The following RASSF8 variants were observed in gnomAD, a reference collection of about 807,000 sequenced individuals.
The protein encoded by RASSF8 is Ras association domain family member 8.
In RASSF8, 22 loss-of-function variants were observed where a neutral mutation model predicts 48.5. The ratio of observed to expected loss-of-function variants is 0.45; its 90% CI spans 0.32 to 0.65. The LOEUF (loss-of-function observed/expected upper bound fraction) is 0.65. Ranked by LOEUF, RASSF8 falls within the 30% of genes least tolerant of loss-of-function variation. RASSF8 has a pLI of 0.03. For missense variants in RASSF8, 418 were observed against 489.2 expected, an observed-to-expected ratio of 0.85 and a Z score of 1.37; for synonymous variants, 127 against 171.5, an observed-to-expected ratio of 0.74 and a Z score of 2.03.
intron 1 of RASSF8, among the ~76,000 whole-genome samples, chr12:25,985,578 G>T (rs1167974066): frequency 6.6e-6 from 1 of 152,238 alleles, no homozygotes; most frequent in Non-Finnish European, 1.5e-5. Flanking sequence ...TGAGGTAAAT[G>T]AGTAAATCGG....
intron 2 of RASSF8, among the ~76,000 whole-genome samples, chr12:26,050,024 C>G (rs1165564066): frequency 6.6e-6 from 1 of 152,210 alleles, no homozygotes; most frequent in South Asian, 2.1e-4. Flanking sequence ...ACCTCGTGAT[C>G]TGCCCGCCTC....
At chr12:26,029,315 C>T (rs1942981074) in intron 2 of RASSF8, among the ~76,000 whole-genome samples, 1 of 152,108 alleles carries the variant, frequency 6.6e-6, no homozygotes, top group Admixed American at 6.6e-5. Context: ...CATTGACAAC[C>T]CATGTTATTT....
chr12:25,984,749 A>G (rs1941832168), intron 1 of RASSF8, among the ~76,000 whole-genome samples: 1 of 152,216 alleles, frequency 6.6e-6, no homozygotes, highest in South Asian at 2.1e-4. Flanking sequence ...AAGGAGCTTC[A>G]AGGTAACTTT....
chr12:26,037,910 A>G (rs980146235), intron 2 of RASSF8, among the ~76,000 whole-genome samples: 1 of 152,212 alleles, frequency 6.6e-6, no homozygotes. Flanking sequence ...GTGTGAAACA[A>G]TTTAAAGGTG....
At chr12:25,976,219 G>C (rs1397938349) in intron 1 of RASSF8, among the ~76,000 whole-genome samples, 2 of 152,268 alleles carry the variant, frequency 1.3e-5, no homozygotes, top group East Asian at 3.9e-4. Context: ...AAGGAAAACT[G>C]TAACCCTCCG....
At chr12:26,079,283 CA>C (rs1442120994) in exon 6 of RASSF8, 1 of 414,368 alleles carries the variant, frequency 2.4e-6, no homozygotes, top group Non-Finnish European at 4.3e-6. Context: ...ACAAATAATC[CA>C]ATTAAAAATG....
At chr12:26,067,444 A>C in intron 4 of RASSF8, 125 bp from the exon 5 acceptor site, 11 of 1,060,836 alleles carry the variant, frequency 1.0e-5, no homozygotes, top group Non-Finnish European at 1.4e-5. Context: ...CAGATTTGTT[A>C]AATGTGCTTT....
chr12:25,962,398 C>T (rs950041920), intron 1 of RASSF8, among the ~76,000 whole-genome samples: 2 of 152,216 alleles, frequency 1.3e-5, no homozygotes, highest in Non-Finnish European at 2.9e-5. Context: ...TTTTCTCCCT[C>T]ATAGCGTAAT....
At chr12:26,018,066 A>T (rs1055232236) in intron 2 of RASSF8, among the ~76,000 whole-genome samples, 3 of 152,210 alleles carry the variant, frequency 2.0e-5, no homozygotes, top group Admixed American at 1.3e-4. Context: ...CTGATTTATT[A>T]ACTTTTGTTA....
chr12:26,005,228 ATTTG>A (rs1372674032), intron 2 of RASSF8, among the ~76,000 whole-genome samples: 14 of 151,362 alleles, frequency 9.2e-5, no homozygotes, highest in Admixed American at 9.2e-4. Context: ...TTACAGATTG[ATTTG>A]TTTAATTGCC....
At chr12:25,968,574 C>G (rs950584361) in intron 1 of RASSF8, among the ~76,000 whole-genome samples, 2 of 152,068 alleles carry the variant, frequency 1.3e-5, no homozygotes, top group South Asian at 2.1e-4. Context: ...AAACTCCTGA[C>G]CTCAGGTAAT....
At chr12:26,045,681 A>C (rs1943357958) in intron 2 of RASSF8, among the ~76,000 whole-genome samples, 1 of 152,210 alleles carries the variant, frequency 6.6e-6, no homozygotes, top group Non-Finnish European at 1.5e-5. Flanking sequence ...TATGGGCTCA[A>C]TATTTACAAT....
chr12:25,963,321 C>CAAAAAAAAAAAAAAAAAAAAAAAAAAA (rs61607517), intron 1 of RASSF8, among the ~76,000 whole-genome samples: 1 of 96,180 alleles, frequency 1.0e-5, no homozygotes. Context: ...TTGTTTTAGC[C>CAAAAAAAAAAAAAAAAAAAAAAAAAAA]AAAAAAAAAA....
At chr12:26,040,382 C>A (rs1310844732) in intron 2 of RASSF8, among the ~76,000 whole-genome samples, 1 of 152,052 alleles carries the variant, frequency 6.6e-6, no homozygotes, top group Non-Finnish European at 1.5e-5. Context: ...GTAGGACATG[C>A]GGTGAAGGTT....
At chr12:26,031,197 G>T (rs1291303703) in intron 2 of RASSF8, among the ~76,000 whole-genome samples, 3 of 151,382 alleles carry the variant, frequency 2.0e-5, no homozygotes, top group African/African-American at 7.3e-5. Context: ...ATTTTTTTTT[G>T]AGGTATTATG....
At chr12:25,991,899 A>G (rs1466625605) in intron 1 of RASSF8, among the ~76,000 whole-genome samples, 5 of 152,230 alleles carry the variant, frequency 3.3e-5, no homozygotes, top group Non-Finnish European at 7.3e-5. Flanking sequence ...TAAGTGTCCA[A>G]TTAATGTTTG....
intron 2 of RASSF8, among the ~76,000 whole-genome samples, chr12:26,037,473 A>G (rs1943177893): frequency 6.6e-6 from 1 of 152,188 alleles, no homozygotes; most frequent in African/African-American, 2.4e-5. Flanking sequence ...AAGGGGGTAG[A>G]GTTTATAATT....
intron 2 of RASSF8, among the ~76,000 whole-genome samples, chr12:26,032,364 A>G (rs1462398227): frequency 6.6e-6 from 1 of 152,188 alleles, no homozygotes; most frequent in Admixed American, 6.5e-5. Context: ...GGTTGTTCCA[A>G]ATCATCTAGG....
chr12:25,965,359 A>ATTT, intron 1 of RASSF8, among the ~76,000 whole-genome samples: 1 of 120,616 alleles, frequency 8.3e-6, no homozygotes, highest in Non-Finnish European at 1.8e-5. Context: ...ACTTTCCCAA[A>ATTT]TTTCTTTTTT....
Sources: gnomAD v4.1 joint callset for allele counts (sites outside exome capture counted in the v4.1 genomes callset) on GRCh38, gnomAD v4.1.1 for gene constraint, MANE v1.5 for transcripts, NCBI Gene and HGNC (gene_info 2026-07-23, HGNC 2026-07-21) for gene names.